The following SEZ6L variants were observed in gnomAD, a reference collection of about 807,000 sequenced individuals.
The protein encoded by SEZ6L is seizure related 6 homolog like, also known as seizure 6-like protein.
A neutral mutation model predicts 106.2 loss-of-function variants in SEZ6L; 37 were observed. That is an observed-to-expected ratio of 0.35 (90% CI 0.27 to 0.46). The LOEUF (loss-of-function observed/expected upper bound fraction) is 0.46, where lower values mean the gene tolerates loss of function less well. Among genes scored for constraint, SEZ6L ranks in the 20% least tolerant of loss-of-function variants. The pLI, the probability that SEZ6L is intolerant of heterozygous loss-of-function variation, is 1.00. For synonymous variants in SEZ6L, 541 were observed against 570.4 expected, an observed-to-expected ratio of 0.95 and a Z score of 0.73; for missense variants, 1,172 against 1,332.8, an observed-to-expected ratio of 0.88 and a Z score of 1.88.
intron 11 of SEZ6L, among the ~76,000 whole-genome samples, chr22:26,348,656 AAGAAAG>A (rs1365219763): frequency 4.3e-5 from 2 of 46,630 alleles, no homozygotes; most frequent in Admixed American, 4.4e-4. Context: ...AAAAGAAAGA[AAGAAAG>A]AAAGAAAGAA....
At chr22:26,308,552 C>A (rs934299291) in intron 6 of SEZ6L, among the ~76,000 whole-genome samples, 3 of 151,980 alleles carry the variant, frequency 2.0e-5, no homozygotes, top group African/African-American at 7.2e-5. Flanking sequence ...AATATGCCCC[C>A]AAAAAAGTGA....
intron 1 of SEZ6L, among the ~76,000 whole-genome samples, chr22:26,266,522 G>A (rs911233958): frequency 3.5e-4 from 53 of 151,730 alleles, no homozygotes; most frequent in African/African-American, 6.8e-4. Flanking sequence ...GCAATGAGCC[G>A]AGATCGCACC....
intron 1 of SEZ6L, among the ~76,000 whole-genome samples, chr22:26,266,594 TAAATAAATAAATA>T (rs1417033289): frequency 2.0e-5 from 3 of 147,262 alleles, no homozygotes; most frequent in East Asian, 2.0e-4. Context: ...AATAAATAAA[TAAATAAATAAATA>T]AATAAATAAA....
At chr22:26,169,881 G>A (rs1207069285) in intron 1 of SEZ6L, 118 bp downstream of exon 1, 4 of 436,782 alleles carry the variant, frequency 9.2e-6, no homozygotes, top group Non-Finnish European at 7.6e-6. Flanking sequence ...GGAAGCGGTG[G>A]TGGCTGTCCA....
intron 1 of SEZ6L, among the ~76,000 whole-genome samples, chr22:26,228,673 G>T (rs1025422511): frequency 4.6e-5 from 7 of 152,282 alleles, no homozygotes; most frequent in African/African-American, 1.2e-4. Context: ...CTTACTGGGG[G>T]CTTGCTTAGA....
In SEZ6L at chr22:26,367,062, C is replaced by T. The variant is rs6005027; in HGVS notation, c.2794+1496C>T. 6.6e-3 allele frequency among the ~76,000 whole-genome samples: 1,000 copies of T among 152,238 alleles called. 8 individuals are homozygous for T. Among genetic ancestry groups the T allele is most frequent in the African/African-American group, 0.023 (961 of 41,536 alleles). On this transcript the variant is annotated intron_variant, in intron 13 of 16. Coordinates refer to ENST00000248933, the MANE Select transcript of SEZ6L (RefSeq NM_021115.5). ...ATACATTTACATACATACATAGCTC[C>T]TGTCCCATTAAAGCATCAGGGATGC...
chr22:26,328,004 A>AT (rs1228452192), intron 9 of SEZ6L, among the ~76,000 whole-genome samples: 2 of 152,246 alleles, frequency 1.3e-5, no homozygotes, highest in Non-Finnish European at 2.9e-5. Context: ...AAAGCCTTGT[A>AT]TTCCCCAGAT....
At chr22:26,295,890 T>C (rs2145891267) in intron 3 of SEZ6L, among the ~76,000 whole-genome samples, 1 of 152,256 alleles carries the variant, frequency 6.6e-6, no homozygotes, top group East Asian at 1.9e-4. Flanking sequence ...GGCAAACTCC[T>C]TGGCAATCAG....
At chr22:26,237,340 T>A (rs1602113504) in intron 1 of SEZ6L, among the ~76,000 whole-genome samples, 2 of 152,322 alleles carry the variant, frequency 1.3e-5, no homozygotes, top group South Asian at 4.1e-4. Flanking sequence ...TATTCTCAGG[T>A]TCTGGTGCAA....
chr22:26,210,159 C>A (rs1250183290), intron 1 of SEZ6L, among the ~76,000 whole-genome samples: 1 of 152,178 alleles, frequency 6.6e-6, no homozygotes, highest in Non-Finnish European at 1.5e-5. Flanking sequence ...TAGAGATGAA[C>A]CATGGCCCTC....
chr22:26,213,824 T>C (rs1306613066), intron 1 of SEZ6L, among the ~76,000 whole-genome samples: 1 of 152,126 alleles, frequency 6.6e-6, no homozygotes, highest in East Asian at 1.9e-4. Context: ...GGGAAGCTGA[T>C]GTGTTAGGAT....
At chr22:26,240,446 G>T (rs986796326) in intron 1 of SEZ6L, among the ~76,000 whole-genome samples, 2 of 152,086 alleles carry the variant, frequency 1.3e-5, no homozygotes, top group African/African-American at 4.8e-5. Flanking sequence ...TGTCAAATGG[G>T]CACGATAATA....
At chr22:26,337,182 G>A (rs1010287934) in intron 9 of SEZ6L, among the ~76,000 whole-genome samples, 1 of 152,168 alleles carries the variant, frequency 6.6e-6, no homozygotes, top group African/African-American at 2.4e-5. Flanking sequence ...CCATGAAAGT[G>A]ACAAAGCTGA....
intron 1 of SEZ6L, among the ~76,000 whole-genome samples, chr22:26,288,253 A>G (rs1010018609): frequency 6.6e-6 from 1 of 152,210 alleles, no homozygotes; most frequent in Non-Finnish European, 1.5e-5. Context: ...AGGAACACAT[A>G]GTAAGTCAGG....
chr22:26,205,178 G>A (rs1286864970), intron 1 of SEZ6L, among the ~76,000 whole-genome samples: 1 of 152,188 alleles, frequency 6.6e-6, no homozygotes, highest in Non-Finnish European at 1.5e-5. Context: ...TCAAGAATAG[G>A]GATGCCTGTC....
chr22:26,239,495 A>G (rs2079048948), intron 1 of SEZ6L, among the ~76,000 whole-genome samples: 1 of 152,190 alleles, frequency 6.6e-6, no homozygotes, highest in Non-Finnish European at 1.5e-5. Flanking sequence ...TTTTGTATAG[A>G]AGGAACTGCA....
chr22:26,266,541 C>T (rs1384822592), intron 1 of SEZ6L, among the ~76,000 whole-genome samples: 1 of 151,588 alleles, frequency 6.6e-6, no homozygotes, highest in East Asian at 2.0e-4. Flanking sequence ...CCACTGCACT[C>T]CCGCCTGGGC....
chr22:26,249,293 T>C (rs189870261), intron 1 of SEZ6L, among the ~76,000 whole-genome samples: 1 of 152,214 alleles, frequency 6.6e-6, no homozygotes, highest in Non-Finnish European at 1.5e-5. Context: ...TAAGTTTGTA[T>C]CCACTAACCA....
intron 3 of SEZ6L, among the ~76,000 whole-genome samples, chr22:26,296,645 C>A (rs2081309234): frequency 6.6e-6 from 1 of 152,246 alleles, no homozygotes; most frequent in African/African-American, 2.4e-5. Context: ...CCTCACATTG[C>A]AAGTCCCTTG....
Sources: allele counts gnomAD v4.1 joint callset (sites outside exome capture counted in the v4.1 genomes callset), GRCh38; gene constraint gnomAD v4.1.1; transcripts MANE v1.5; gene names NCBI Gene and HGNC (gene_info 2026-07-23, HGNC 2026-07-21).